The following ZHX2 variants were observed in gnomAD, a reference collection of about 807,000 sequenced individuals.
ZHX2 encodes the protein zinc fingers and homeoboxes 2.
A neutral mutation model predicts 21.9 loss-of-function variants in ZHX2; 6 were observed. That is an observed-to-expected ratio of 0.27 (90% confidence interval 0.15 to 0.54). The LOEUF (loss-of-function observed/expected upper bound fraction) is 0.54, where lower values mean the gene tolerates loss of function less well. ZHX2 is among the 20% of genes least tolerant of loss of function. The pLI, the probability that ZHX2 is intolerant of heterozygous loss-of-function variation, is 0.95. For synonymous variants in ZHX2, 434 were observed against 437.1 expected, an observed-to-expected ratio of 0.99 and a Z score of 0.09; for missense variants, 908 against 1,090.7, an observed-to-expected ratio of 0.83 and a Z score of 2.36.
chr8:122,952,813 AACCCC>A lies in ZHX2; in HGVS notation c.1304_1308del (p.Asn435ThrfsTer7). ...GCCAGAGCCCCCACCCAAGGTGGCCAACCCCCCGCTCACACCAGCCAGTGACCGCA... is the reference window on the plus strand; with the variant it reads ...GCCAGAGCCCCCACCCAAGGTGGCCACCGCTCACACCAGCCAGTGACCGCA... On this transcript the variant is annotated frameshift_variant, in exon 3 of 4. Coordinates refer to ENST00000314393, the MANE Select transcript of ZHX2 (RefSeq NM_014943.5). LOFTEE classifies it low-confidence loss of function (END_TRUNC). The surrounding 1 kb of genome is among the most constrained non-coding windows in gnomAD (Gnocchi z 6.9). 2.5e-6 allele frequency: 4 copies of A among 1,614,046 alleles called. No homozygotes were observed. The highest frequency in any genetic ancestry group is 3.4e-6 in the Non-Finnish European group (4 of 1,180,002).
intron 2 of ZHX2, among the ~76,000 whole-genome samples, chr8:122,897,154 C>T (rs1820118157): frequency 6.6e-6 from 1 of 152,196 alleles, no homozygotes; most frequent in South Asian, 2.1e-4. Flanking sequence ...ACTGGAGTCA[C>T]TTCCAGATCA....
At chr8:122,780,858 G>GC (rs1167540539), upstream of ZHX2, 3 of 152,184 alleles carry the variant, frequency 2.0e-5, no homozygotes, top group Non-Finnish European at 2.9e-5. Flanking sequence ...GTTTAAGTCG[G>GC]CCCCTGGGGC....
intron 2 of ZHX2, among the ~76,000 whole-genome samples, chr8:122,876,742 G>A (rs1232076754): frequency 6.6e-6 from 1 of 152,198 alleles, no homozygotes; most frequent in East Asian, 1.9e-4. Flanking sequence ...TGAAAGCCTT[G>A]TTTGCTTCCC....
intron 1 of ZHX2, among the ~76,000 whole-genome samples, chr8:122,837,111 T>C (rs1818520579): frequency 6.6e-6 from 1 of 152,192 alleles, no homozygotes; most frequent in Non-Finnish European, 1.5e-5. Context: ...GTACCCTATA[T>C]GGTCTAAAAA....
intron 2 of ZHX2, among the ~76,000 whole-genome samples, chr8:122,878,697 G>T (rs1262222675): frequency 2.0e-5 from 3 of 152,118 alleles, no homozygotes; most frequent in Non-Finnish European, 4.4e-5. Context: ...GACTCTACAA[G>T]GTGACATGTC....
intron 2 of ZHX2, among the ~76,000 whole-genome samples, chr8:122,914,372 AG>A (rs1820549767): frequency 1.3e-5 from 2 of 152,200 alleles, no homozygotes; most frequent in African/African-American, 4.8e-5. Context: ...AAGTGGGGGG[AG>A]AAAGGGGCAC....
chr8:122,838,679 G>A (rs1007701632), intron 1 of ZHX2, among the ~76,000 whole-genome samples: 2 of 149,508 alleles, frequency 1.3e-5, no homozygotes, highest in African/African-American at 4.9e-5. Context: ...AGGTTCAAGC[G>A]ATTCATTCCT....
chr8:122,858,764 C>G (rs748543666), intron 1 of ZHX2, among the ~76,000 whole-genome samples: 1 of 151,954 alleles, frequency 6.6e-6, no homozygotes, highest in Non-Finnish European at 1.5e-5. Context: ...CCTCAGCCTC[C>G]CCAGTAGCTG....
At chr8:122,791,398 AGCCCTGCCTGGGC>A (rs974814779) in intron 1 of ZHX2, among the ~76,000 whole-genome samples, 7 of 152,268 alleles carry the variant, frequency 4.6e-5, no homozygotes, top group African/African-American at 1.7e-4. Flanking sequence ...GCTGATTGGG[AGCCCTGCCTGGGC>A]ACGGGCAGGT....
At position 122,915,975 on chromosome 8, in the gene ZHX2, C is replaced by T. The variant is rs991113390; in HGVS notation, c.-219-35317C>T. Among the ~76,000 whole-genome samples the T allele has an allele frequency of 2.6e-5, 4 of 152,302 alleles. No individual in the cohort carries two copies. The Middle Eastern group carries it at 0.01, about 389-fold the overall frequency. ...CTGTCTTCCTCCCCCTTCCTGCAGC[C>T]CAAGGAACACAGAGCCAGCAGACTC... On this transcript the variant is annotated intron_variant, in intron 2 of 3. Transcript: ENST00000314393.
intron 1 of ZHX2, among the ~76,000 whole-genome samples, chr8:122,795,666 C>T (rs1045484670): frequency 6.6e-6 from 1 of 151,960 alleles, no homozygotes; most frequent in Non-Finnish European, 1.5e-5. Flanking sequence ...TATACTATAC[C>T]TTGTTTTATA....
intron 1 of ZHX2, among the ~76,000 whole-genome samples, chr8:122,832,118 T>C (rs1056453584): frequency 1.3e-5 from 2 of 152,134 alleles, no homozygotes; most frequent in African/African-American, 4.8e-5. Flanking sequence ...CAGAAATGTG[T>C]AGGGTCTTGG....
intron 1 of ZHX2, among the ~76,000 whole-genome samples, chr8:122,821,380 A>G (rs976846198): frequency 1.3e-5 from 2 of 152,200 alleles, no homozygotes; most frequent in African/African-American, 2.4e-5. Context: ...AGGCTAAGCT[A>G]TAGTAAGGGC....
chr8:122,971,098 G>C lies in ZHX2; in HGVS notation c.*5-2144G>C, dbSNP rs187526017. On this transcript the variant is annotated intron_variant, in intron 3 of 3. Coordinates refer to ENST00000314393, the MANE Select transcript of ZHX2 (RefSeq NM_014943.5). The stretch of plus-strand genomic sequence containing the variant: ...AGCCTCCATTTCTTCGCTATGAAGT[G>C]GGTCTGCCAATCACCTGCCAGTCAC... Among the ~76,000 whole-genome samples the C allele has an allele frequency of 2.6e-3, 396 of 152,292 alleles. 4 individuals carry two copies. Among genetic ancestry groups the C allele is most frequent in the African/African-American group, 9.2e-3 (382 of 41,548 alleles).
intron 1 of ZHX2, among the ~76,000 whole-genome samples, chr8:122,842,561 CAG>C (rs1429153204): frequency 6.6e-6 from 1 of 152,132 alleles, no homozygotes; most frequent in East Asian, 1.9e-4. Flanking sequence ...AAAAAATAGC[CAG>C]GGGCATGGTG....
chr8:122,957,792 G>A (rs1813347722), intron 3 of ZHX2, among the ~76,000 whole-genome samples: 1 of 152,114 alleles, frequency 6.6e-6, no homozygotes, highest in Non-Finnish European at 1.5e-5. Context: ...ATGGTATTGA[G>A]AAAGGGGCTG....
intron 1 of ZHX2, among the ~76,000 whole-genome samples, chr8:122,841,321 T>C (rs1379619668): frequency 1.3e-5 from 2 of 152,180 alleles, no homozygotes; most frequent in Non-Finnish European, 2.9e-5. Context: ...CTTTCCTGTA[T>C]TCAATCCAGT....
chr8:122,941,323 C>G (rs1440207924), intron 2 of ZHX2, among the ~76,000 whole-genome samples: 1 of 152,134 alleles, frequency 6.6e-6, no homozygotes, highest in Non-Finnish European at 1.5e-5. Context: ...TCAACAAACC[C>G]CTTCTTTTCT....
chr8:122,854,320 G>A (rs1204623605), intron 1 of ZHX2, among the ~76,000 whole-genome samples: 1 of 152,222 alleles, frequency 6.6e-6, no homozygotes, highest in Non-Finnish European at 1.5e-5. Flanking sequence ...ACAACATGAT[G>A]GGATAAATTG....
Sources: gnomAD v4.1 joint callset for allele counts (sites outside exome capture counted in the v4.1 genomes callset) on GRCh38, gnomAD v4.1.1 for gene constraint, Gnocchi (gnomAD v3.1) non-coding constraint, MANE v1.5 for transcripts, NCBI Gene and HGNC (gene_info 2026-07-23, HGNC 2026-07-21) for gene names.